TM4SF5: variants seen among roughly 807,000 people sequenced by gnomAD.
The protein encoded by TM4SF5 is transmembrane 4 L6 family member 5.
A neutral mutation model predicts 22.3 loss-of-function variants in TM4SF5; 16 were observed. The ratio of observed to expected loss-of-function variants is 0.72; its 90% CI spans 0.49 to 1.09. The LOEUF (loss-of-function observed/expected upper bound fraction) is 1.09. Among genes scored for constraint, TM4SF5 ranks in the 50% least tolerant of loss-of-function variants. The pLI is 0.00. For missense variants in TM4SF5, 249 were observed against 266.1 expected (o/e 0.94, Z 0.45); for synonymous variants, 113 against 109.6 (o/e 1.03, Z -0.19).
chr17:4,776,310 T>G (rs1196127950), intron 1 of TM4SF5, among the ~76,000 whole-genome samples: 1 of 152,078 alleles, frequency 6.6e-6, no homozygotes, highest in Admixed American at 6.6e-5. Flanking sequence ...TTTGCTTTTT[T>G]GTTTTTTTTG....
Position 4,773,992 on chromosome 17 carries a change from A to G in TM4SF5, c.177+1893A>G, listed in dbSNP as rs544998424. On this transcript the variant is annotated intron_variant, in intron 1 of 4. Coordinates refer to ENST00000270560, the MANE Select transcript of TM4SF5 (RefSeq NM_003963.3). ...ACACTTTGGGAGGCCGAGGCGGGCCAATCACCTGAGGTCAGGAGTTCAAGA... is the reference window on the plus strand; with the variant it reads ...ACACTTTGGGAGGCCGAGGCGGGCCGATCACCTGAGGTCAGGAGTTCAAGA... Among the ~76,000 whole-genome samples the G allele has an allele frequency of 2.0e-5, 3 of 152,264 alleles. No individual in the cohort carries two copies. The East Asian group carries it at 5.8e-4, about 29-fold the overall frequency.
chr17:4,781,768 G>T (rs1345623496), intron 2 of TM4SF5, among the ~76,000 whole-genome samples: 1 of 152,036 alleles, frequency 6.6e-6, no homozygotes, highest in African/African-American at 2.4e-5. Flanking sequence ...GCCCCCCTTG[G>T]CCTCCCAAAG....
At chr17:4,777,752 C>T (rs563226037) in intron 1 of TM4SF5, among the ~76,000 whole-genome samples, 9 of 151,834 alleles carry the variant, frequency 5.9e-5, no homozygotes, top group East Asian at 5.8e-4. Context: ...GGCGTGGTGG[C>T]GCATGCATGT....
At chr17:4,780,934 C>A in intron 2 of TM4SF5, 65 bp downstream of exon 2, 1 of 1,401,316 alleles carries the variant, frequency 7.1e-7, no homozygotes, top group Non-Finnish European at 1.0e-6. Flanking sequence ...AATCCCAACA[C>A]TTTAGCAGGC....
In TM4SF5 at chr17:4,773,893, C is replaced by T. The variant is rs114138374; in HGVS notation, c.177+1794C>T. On this transcript the variant is annotated intron_variant, in intron 1 of 4. Transcript: ENST00000270560. ...AAATATGCATTCACAGCTGCCTTCC[C>T]TCCACCTCTGTGCCCAGAGTCACTC... Among the ~76,000 whole-genome samples, 1,129 of 152,294 alleles carry T rather than the reference C, an allele frequency of 7.4e-3. 12 individuals are homozygous for T. Among genetic ancestry groups the T allele is most frequent in the African/African-American group, 0.021 (878 of 41,560 alleles).
chr17:4,777,430 A>C (rs1350243323), intron 1 of TM4SF5, among the ~76,000 whole-genome samples: 1 of 152,202 alleles, frequency 6.6e-6, no homozygotes, highest in Non-Finnish European at 1.5e-5. Flanking sequence ...CAAACACTTT[A>C]ATCAAAAGAG....
At chr17:4,780,654 C>A (rs774312067) in intron 1 of TM4SF5, 135 bp from the exon 2 acceptor site, 1 of 583,682 alleles carries the variant, frequency 1.7e-6, no homozygotes, top group African/African-American at 2.0e-5. Context: ...CTCCAGGAGA[C>A]GTAGAGATAA....
chr17:4,776,581 C>T (rs970945102), intron 1 of TM4SF5, among the ~76,000 whole-genome samples: 1 of 152,220 alleles, frequency 6.6e-6, no homozygotes, highest in South Asian at 2.1e-4. Flanking sequence ...GGATTACAGG[C>T]ATAAGCCACT....
rs908507270 is a variant in TM4SF5 at position 4,783,209 on chromosome 17, C to T, written c.*81C>T. The T allele has an allele frequency of 3.8e-6, 6 of 1,590,874 alleles. No homozygotes were observed. The African/African-American group carries it at 4.0e-5, about 11-fold the overall frequency. ...TCGCTAGAATAAACTGCTTTGCGCT[C>T]TCTTCTCTGTCTGAGATTGTGCCTT... On this transcript the variant is annotated 3_prime_UTR_variant, in exon 5 of 5. Transcript: ENST00000270560.
chr17:4,779,693 G>T (rs1917265858), intron 1 of TM4SF5, among the ~76,000 whole-genome samples: 1 of 152,174 alleles, frequency 6.6e-6, no homozygotes, highest in African/African-American at 2.4e-5. Context: ...CACTGATGGA[G>T]ACAAGAAAGT....
At chr17:4,773,106 C>G (rs967491460) in intron 1 of TM4SF5, among the ~76,000 whole-genome samples, 3 of 152,000 alleles carry the variant, frequency 2.0e-5, no homozygotes, top group African/African-American at 7.2e-5. Flanking sequence ...GGTTTCGCCA[C>G]GTTGGCTAGG....
intron 1 of TM4SF5, among the ~76,000 whole-genome samples, chr17:4,772,791 C>A (rs1917138481): frequency 6.6e-6 from 1 of 151,544 alleles, no homozygotes; most frequent in African/African-American, 2.4e-5. Flanking sequence ...ACATGGCTCA[C>A]TGTAGCCCCA....
intron 1 of TM4SF5, among the ~76,000 whole-genome samples, chr17:4,776,041 G>T (rs1258537012): frequency 6.6e-6 from 1 of 151,604 alleles, no homozygotes. Context: ...AGAGATGGGG[G>T]TTTCGCCATG....
At chr17:4,775,262 CTT>C (rs111961129) in intron 1 of TM4SF5, among the ~76,000 whole-genome samples, 9 of 142,346 alleles carry the variant, frequency 6.3e-5, no homozygotes, top group Non-Finnish European at 7.7e-5. Flanking sequence ...TATTGAAGGA[CTT>C]TTTTTTTTTT....
Position 4,771,920 on chromosome 17 carries a change from ACCATGTGTACGGGAAAATGTG to A in TM4SF5, c.1_21del (p.MetCysThrGlyLysCysAla1_?7). ...CACCGCCTGTCCTTCCTGACACCTCACCATGTGTACGGGAAAATGTGCCCGCTGTGTGGGGCTCTCCCTCAT... is the reference window on the plus strand; with the variant it reads ...CACCGCCTGTCCTTCCTGACACCTCACCCGCTGTGTGGGGCTCTCCCTCAT... On this transcript the variant is annotated start_lost and 5_prime_UTR_variant, in exon 1 of 5. Coordinates refer to ENST00000270560, the MANE Select transcript of TM4SF5 (RefSeq NM_003963.3). 1 of 1,613,948 alleles carries A rather than the reference ACCATGTGTACGGGAAAATGTG, an allele frequency of 6.2e-7. No homozygotes were observed. Among genetic ancestry groups the A allele is most frequent in the African/African-American group, 1.3e-5 (1 of 74,982 alleles).
chr17:4,775,744 C>T (rs759459810), intron 1 of TM4SF5, among the ~76,000 whole-genome samples: 7 of 152,250 alleles, frequency 4.6e-5, no homozygotes, highest in Non-Finnish European at 1.0e-4. Flanking sequence ...TCACCACACA[C>T]GGAACCCCAG....
In TM4SF5 at chr17:4,780,318, A is replaced by G. The variant is rs371227633; in HGVS notation, c.178-471A>G. On this transcript the variant is annotated intron_variant, in intron 1 of 4. Coordinates refer to ENST00000270560, the MANE Select transcript of TM4SF5 (RefSeq NM_003963.3). ...GATCCACCAGCCTCAGCCTCTCAAC[A>G]TGCTGGGATTTCAGGCGTGAACCAC... Among the ~76,000 whole-genome samples the G allele has an allele frequency of 1.1e-4, 16 of 152,130 alleles. No individual in the cohort carries two copies. In the East Asian group the frequency reaches 3.1e-3, roughly 29 times the overall value.
chr17:4,776,981 T>G (rs1917218773), intron 1 of TM4SF5, among the ~76,000 whole-genome samples: 1 of 151,904 alleles, frequency 6.6e-6, no homozygotes, highest in African/African-American at 2.4e-5. Context: ...CAGCGGATCA[T>G]GAGGTCAGGA....
rs1457010735 is a variant in TM4SF5, at chr17:4,783,165, T to C, written c.*37T>C. 7 of 1,562,600 alleles carry C rather than the reference T, an allele frequency of 4.5e-6. No homozygotes were observed. Among genetic ancestry groups the C allele is most frequent in the Non-Finnish European group, 5.2e-6 (6 of 1,156,406 alleles). ...CCGCCGGGTTACACCTGCTCCTTCC[T>C]GGACGCTCACTCCCTTGCTCGCTAG... On this transcript the variant is annotated 3_prime_UTR_variant, in exon 5 of 5. Transcript: ENST00000270560.
Sources: gnomAD v4.1 joint callset for allele counts (sites outside exome capture counted in the v4.1 genomes callset) on GRCh38, gnomAD v4.1.1 for gene constraint, MANE v1.5 for transcripts, NCBI Gene and HGNC (gene_info 2026-07-23, HGNC 2026-07-21) for gene names.